ITPR2: variants seen among roughly 807,000 people sequenced by gnomAD.
ITPR2 encodes the protein inositol 1,4,5-trisphosphate receptor type 2.
Under a neutral mutation model 317.1 loss-of-function variants are expected in ITPR2, and 207 were observed. The observed-to-expected ratio is 0.65, with a 90% CI of 0.58 to 0.73. ITPR2 has a LOEUF of 0.73. Ranked by LOEUF, ITPR2 falls within the 30% of genes least tolerant of loss-of-function variation. The pLI is 0.00. For synonymous variants in ITPR2, 1,156 were observed against 1,149.1 expected, an observed-to-expected ratio of 1.01 and a Z score of -0.12; for missense variants, 2,613 against 3,284.0, an observed-to-expected ratio of 0.80 and a Z score of 4.99.
chr12:26,575,457 G>A (rs1282966000), intron 34 of ITPR2, among the ~76,000 whole-genome samples: 1 of 151,946 alleles, frequency 6.6e-6, no homozygotes, highest in Admixed American at 6.6e-5. Flanking sequence ...AGTGGGGACA[G>A]AATTTCCAGA....
At chr12:26,461,627 AATATATATATATATATATATAT>A (rs754482854) in intron 45 of ITPR2, among the ~76,000 whole-genome samples, 2 of 48,718 alleles carry the variant, frequency 4.1e-5, no homozygotes, top group African/African-American at 8.4e-5. Context: ...AAAGCATATA[AATATATATATATATATATATAT>A]ATATATATAT....
chr12:26,485,260 G>A (rs946659567), intron 41 of ITPR2, among the ~76,000 whole-genome samples: 1 of 152,014 alleles, frequency 6.6e-6, no homozygotes, highest in Non-Finnish European at 1.5e-5. Context: ...TATTTAACGT[G>A]TTTATTTGAA....
intron 26 of ITPR2, among the ~76,000 whole-genome samples, chr12:26,613,117 G>A (rs190230159): frequency 6.6e-6 from 1 of 152,222 alleles, no homozygotes; most frequent in South Asian, 2.1e-4. Context: ...CTTTAAGAAC[G>A]GAAAGGAGAA....
At chr12:26,567,986 ATATATATATATTATATATATTATATATAT>A (rs1565609609) in intron 34 of ITPR2, among the ~76,000 whole-genome samples, 5 of 16,100 alleles carry the variant, frequency 3.1e-4, no homozygotes, top group Non-Finnish European at 1.4e-3. Flanking sequence ...TATTATATAT[ATATATATATATTATATATATTATATATAT>A]ATATATATAT....
In ITPR2 at chr12:26,631,944, C is replaced by A; in HGVS notation, c.2856G>T (p.Pro952=). The A allele has an allele frequency of 6.2e-7, 1 of 1,613,810 alleles. No individual in the cohort carries two copies. Among genetic ancestry groups the A allele is most frequent in the South Asian group, 1.1e-5 (1 of 91,042 alleles). ...GCTCGGTGGGGCTCCCTTGCTTGCT[C>A]GGGTGGATGCTGGGTGGCACATCCG... The part of the protein sequence containing the change: ...SVPDVPPSIH[P]SKQGSPTEHE... Residue 952 remains proline (P), a synonymous_variant, in exon 22 of 57, where the codon CCG becomes CCT. Coordinates refer to ENST00000381340, the MANE Select transcript of ITPR2 (RefSeq NM_002223.4).
chr12:26,717,816 A>G (rs1271803586), intron 5 of ITPR2, among the ~76,000 whole-genome samples: 1 of 152,238 alleles, frequency 6.6e-6, no homozygotes, highest in African/African-American at 2.4e-5. Context: ...TCTTTGAACC[A>G]TGAATTGGTA....
chr12:26,578,897 C>T, intron 33 of ITPR2, 64 bp from the exon 34 acceptor site: 2 of 1,474,558 alleles, frequency 1.4e-6, no homozygotes, highest in South Asian at 2.6e-5. Flanking sequence ...GATGTAGCAT[C>T]TATGCATTCT....
chr12:26,568,815 G>C (rs1238025784), intron 34 of ITPR2, among the ~76,000 whole-genome samples: 1 of 152,158 alleles, frequency 6.6e-6, no homozygotes, highest in Non-Finnish European at 1.5e-5. Context: ...CATGTCAAAG[G>C]ACCCAGAATA....
At chr12:26,536,099 T>C (rs1944082653) in intron 37 of ITPR2, among the ~76,000 whole-genome samples, 1 of 152,188 alleles carries the variant, frequency 6.6e-6, no homozygotes, top group Non-Finnish European at 1.5e-5. Flanking sequence ...TATAGCAAAG[T>C]AGAAGCTTTT....
intron 26 of ITPR2, among the ~76,000 whole-genome samples, chr12:26,612,642 A>G (rs1946294832): frequency 6.6e-6 from 1 of 152,146 alleles, no homozygotes; most frequent in Non-Finnish European, 1.5e-5. Context: ...ATTTGCATAC[A>G]TTTCTACTGC....
rs376525073 is a variant in ITPR2 at position 26,483,916 on chromosome 12, T to G, written c.5812-18A>C. On this transcript the variant is annotated intron_variant, in intron 41 of 56. Coordinates refer to ENST00000381340, the MANE Select transcript of ITPR2 (RefSeq NM_002223.4). ...AAGAAGTTCTGAAGGCAAAAGAAAA[T>G]AAAATTGAAGGGTTACAAAAATTCA... 578 of 1,606,076 alleles carry G rather than the reference T, an allele frequency of 3.6e-4. No homozygotes were observed. Among genetic ancestry groups the G allele is most frequent in the Non-Finnish European group, 4.6e-4 (541 of 1,173,154 alleles).
At chr12:26,779,884 G>A (rs1167785172) in intron 2 of ITPR2, among the ~76,000 whole-genome samples, 1 of 152,226 alleles carries the variant, frequency 6.6e-6, no homozygotes, top group East Asian at 1.9e-4. Context: ...GAAAATTGGT[G>A]ACAAAGGAAT....
rs183466664 is a variant in ITPR2 at position 26,668,754 on chromosome 12, A to G, written c.1410-2703T>C. 2.8e-3 allele frequency among the ~76,000 whole-genome samples: 431 copies of G among 152,294 alleles called. 2 individuals carry two copies. Among genetic ancestry groups the G allele is most frequent in the Non-Finnish European group, 4.0e-3 (272 of 68,020 alleles). On this transcript the variant is annotated intron_variant, in intron 13 of 56. Coordinates refer to ENST00000381340, the MANE Select transcript of ITPR2 (RefSeq NM_002223.4). ...AGAGATAAACAAAGCAATATATTAA[A>G]AAGACAACGTATTTTAAAAAGGCCA... is the stretch of plus-strand genomic sequence containing the variant.
intron 43 of ITPR2, among the ~76,000 whole-genome samples, chr12:26,477,514 C>T (rs186257285): frequency 2.0e-5 from 3 of 152,064 alleles, no homozygotes; most frequent in East Asian, 1.9e-4. Flanking sequence ...ATTACAAATT[C>T]CATGTGTTAG....
chr12:26,397,113 T>C (rs1940026440), intron 54 of ITPR2, among the ~76,000 whole-genome samples: 1 of 151,704 alleles, frequency 6.6e-6, no homozygotes, highest in African/African-American at 2.4e-5. Context: ...AAATAGACCC[T>C]GCAGTGTTCT....
chr12:26,549,416 A>G (rs1565596438), intron 37 of ITPR2, among the ~76,000 whole-genome samples: 1 of 152,122 alleles, frequency 6.6e-6, no homozygotes, highest in Non-Finnish European at 1.5e-5. Flanking sequence ...AAACCCAACC[A>G]CTACAATCTT....
chr12:26,584,518 C>G (rs1945474378), intron 32 of ITPR2, among the ~76,000 whole-genome samples: 1 of 152,148 alleles, frequency 6.6e-6, no homozygotes, highest in African/African-American at 2.4e-5. Flanking sequence ...CTCTTCTGCT[C>G]TAAAAGTGAC....
intron 38 of ITPR2, 84 bp downstream of exon 38, chr12:26,495,068 C>T: frequency 1.3e-6 from 1 of 777,744 alleles, no homozygotes. Flanking sequence ...ATATATCTGC[C>T]ATTTCAGTAA....
Position 26,487,243 on chromosome 12 carries a change from G to C in ITPR2, c.5379C>G (p.Phe1793Leu), listed in dbSNP as rs1273695248. The change falls in exon 40 of 57, where the codon TTC (phenylalanine) becomes TTG (leucine). Residue 1793 changes from phenylalanine to leucine, a missense_variant. Physicochemically the swap from Phe to Leu is conservative, Grantham distance 22. Around this residue, in one of 9 missense-constraint regions of ITPR2, gnomAD observed 926 missense variants for 1,072.8 expected, o/e 0.86. Transcript: ENST00000381340. ...TTTTTTGTTCATGCAACTGCTGGTAGAAAGAATACTGCAAGAAAACATATT... is the reference window on the plus strand; with the variant it reads ...TTTTTTGTTCATGCAACTGCTGGTACAAAGAATACTGCAAGAAAACATATT... The part of the protein sequence containing the change: ...EGGNTQTQYS[F>L]YQQLHEQKKS... 6.3e-7 allele frequency: 1 copy of C among 1,594,794 alleles called. No homozygotes were observed.
Sources: gnomAD v4.1 joint callset for allele counts (sites outside exome capture counted in the v4.1 genomes callset) on GRCh38, gnomAD v4.1.1 for gene constraint, gnomAD v4.1.1 regional missense constraint, MANE v1.5 for transcripts, NCBI Gene and HGNC (gene_info 2026-07-23, HGNC 2026-07-21) for gene names.